The following ZBTB16 variants were observed in gnomAD, a reference collection of about 807,000 sequenced individuals.
ZBTB16 encodes zinc finger and BTB domain-containing protein 16.
ZBTB16 carries 8 observed loss-of-function variants against 56.8 expected under a neutral mutation model. That is an observed-to-expected ratio of 0.14 (90% CI 0.08 to 0.25). The LOEUF is 0.25. Ranked by LOEUF, ZBTB16 falls within the 10% of genes least tolerant of loss-of-function variation. ZBTB16 has a pLI of 1.00. For missense variants in ZBTB16, 625 were observed against 903.0 expected, an observed-to-expected ratio of 0.69 and a Z score of 3.95; for synonymous variants, 363 against 368.5, an observed-to-expected ratio of 0.98 and a Z score of 0.17.
intron 4 of ZBTB16, among the ~76,000 whole-genome samples, chr11:114,190,781 A>T (rs1591766284): frequency 6.6e-6 from 1 of 152,278 alleles, no homozygotes; most frequent in East Asian, 1.9e-4. Flanking sequence ...ACATGTGTAT[A>T]CATACACACA....
At chr11:114,166,265 G>T (rs1942755330) in intron 3 of ZBTB16, among the ~76,000 whole-genome samples, 1 of 150,678 alleles carries the variant, frequency 6.6e-6, no homozygotes, top group Non-Finnish European at 1.5e-5. Context: ...AGGGAGAGGG[G>T]GCCTGGAGGT....
At chr11:114,095,785 T>A (rs1044171603) in intron 2 of ZBTB16, among the ~76,000 whole-genome samples, 5 of 152,128 alleles carry the variant, frequency 3.3e-5, no homozygotes, top group Admixed American at 3.3e-4. Context: ...GTTGACAAGG[T>A]CTCTGAAGTG....
At chr11:114,069,900 C>A (rs1052633839) in intron 2 of ZBTB16, among the ~76,000 whole-genome samples, 2 of 152,130 alleles carry the variant, frequency 1.3e-5, no homozygotes, top group Non-Finnish European at 2.9e-5. Context: ...GTCTGAAAAG[C>A]TCTGAAAACT....
chr11:114,125,678 G>A (rs889441514), intron 2 of ZBTB16, among the ~76,000 whole-genome samples: 4 of 152,018 alleles, frequency 2.6e-5, no homozygotes, highest in African/African-American at 4.8e-5. Flanking sequence ...CAGATCAGTC[G>A]GACCTCCTGG....
Position 114,172,393 on chromosome 11 carries a change from C to T in ZBTB16, c.1367-14559C>T, listed in dbSNP as rs1022134840. ...GGTACTGTGCCAGATTGCTTTACTT[C>T]GTCATCTCATTTGAGCCTCACAAGA... On this transcript the variant is annotated intron_variant, in intron 3 of 6. Coordinates refer to ENST00000335953, the MANE Select transcript of ZBTB16 (RefSeq NM_006006.6). Among the ~76,000 whole-genome samples, 4 of 152,166 alleles carry T rather than the reference C, an allele frequency of 2.6e-5. No homozygotes were observed. The South Asian group carries it at 6.2e-4, about 24-fold the overall frequency.
chr11:114,182,124 T>A (rs1055870616), intron 3 of ZBTB16, among the ~76,000 whole-genome samples: 4 of 152,240 alleles, frequency 2.6e-5, no homozygotes, highest in Non-Finnish European at 5.9e-5. Flanking sequence ...TGATCTCAGC[T>A]CACTGCAACC....
At chr11:114,112,760 C>CTTT (rs398017637) in intron 2 of ZBTB16, among the ~76,000 whole-genome samples, 7 of 133,136 alleles carry the variant, frequency 5.3e-5, no homozygotes, top group East Asian at 4.4e-4. Flanking sequence ...AGTTCATTTT[C>CTTT]TTTTTTTTTT....
chr11:114,223,639 A>G (rs1944279873), intron 4 of ZBTB16, among the ~76,000 whole-genome samples: 1 of 152,236 alleles, frequency 6.6e-6, no homozygotes, highest in Non-Finnish European at 1.5e-5. Context: ...GTGGTGAGCA[A>G]ATCAGAACCC....
intron 4 of ZBTB16, chr11:114,187,890 A>T (rs1943400308): frequency 6.5e-6 from 1 of 154,350 alleles, no homozygotes; most frequent in African/African-American, 2.4e-5. Context: ...TCCTATTGTG[A>T]ACTGTGCATG....
intron 2 of ZBTB16, among the ~76,000 whole-genome samples, chr11:114,103,001 G>A (rs934453144): frequency 6.6e-6 from 1 of 152,192 alleles, no homozygotes; most frequent in African/African-American, 2.4e-5. Context: ...CCTCTCGGCT[G>A]CTGGGAACAT....
intron 2 of ZBTB16, among the ~76,000 whole-genome samples, chr11:114,095,245 CTTTTTTTTTTTTTTTTTTTT>C (rs745895999): frequency 1.1e-5 from 1 of 90,482 alleles, no homozygotes; most frequent in African/African-American, 6.2e-5. Context: ...CTTTTCTTTT[CTTTTTTTTTTTTTTTTTTTT>C]TTTTTTGTGA....
At chr11:114,124,556 C>A (rs7122613) in intron 2 of ZBTB16, among the ~76,000 whole-genome samples, 2,164 of 79,518 alleles carry the variant, frequency 0.027, 78 homozygotes, top group African/African-American at 0.086. Flanking sequence ...AAAAAAAAAA[C>A]CAAAAAAAAA....
intron 2 of ZBTB16, among the ~76,000 whole-genome samples, chr11:114,154,456 C>A (rs924688220): frequency 6.6e-6 from 1 of 152,134 alleles, no homozygotes; most frequent in Non-Finnish European, 1.5e-5. Flanking sequence ...CTTAGAACAG[C>A]AAGTATCTAT....
At chr11:114,243,651 G>C (rs1464235001) in intron 5 of ZBTB16, among the ~76,000 whole-genome samples, 3 of 152,196 alleles carry the variant, frequency 2.0e-5, no homozygotes, top group African/African-American at 7.2e-5. Context: ...TCTCTACAGC[G>C]ATTGCGTAAG....
chr11:114,135,365 A>G (rs1186816175), intron 2 of ZBTB16, among the ~76,000 whole-genome samples: 1 of 152,238 alleles, frequency 6.6e-6, no homozygotes, highest in Non-Finnish European at 1.5e-5. Context: ...GTTAGATTAC[A>G]TGGCAAAGGA....
intron 4 of ZBTB16, among the ~76,000 whole-genome samples, chr11:114,201,053 T>A (rs971292585): frequency 1.3e-5 from 2 of 152,240 alleles, no homozygotes; most frequent in Non-Finnish European, 2.9e-5. Flanking sequence ...GGGTTTGCTA[T>A]AATTTGCCTA....
chr11:114,148,863 G>GGTGTGTGTGTGTGTGTGTGT (rs35071911), intron 2 of ZBTB16, among the ~76,000 whole-genome samples: 184 of 144,032 alleles, frequency 1.3e-3, no homozygotes, highest in African/African-American at 4.7e-3. Flanking sequence ...GTTTTTTACT[G>GGTGTGTGTGTGTGTGTGTGT]GTGTGTGTGT....
chr11:114,194,597 C>T (rs2135084143), intron 4 of ZBTB16, among the ~76,000 whole-genome samples: 1 of 152,350 alleles, frequency 6.6e-6, no homozygotes, highest in Admixed American at 6.5e-5. Context: ...AACACTGCTG[C>T]TTCCAAAATG....
intron 2 of ZBTB16, among the ~76,000 whole-genome samples, chr11:114,088,924 C>A (rs886103910): frequency 2.0e-5 from 3 of 152,138 alleles, no homozygotes; most frequent in African/African-American, 2.4e-5. Flanking sequence ...GGGGCCCCCC[C>A]ACACAATGCC....
Sources: gnomAD v4.1 joint callset for allele counts (sites outside exome capture counted in the v4.1 genomes callset) on GRCh38, gnomAD v4.1.1 for gene constraint, MANE v1.5 for transcripts, NCBI Gene and HGNC (gene_info 2026-07-23, HGNC 2026-07-21) for gene names.